Variants in DESI2 observed in about 807,000 individuals in gnomAD.
DESI2 encodes the protein desumoylating isopeptidase 2.
DESI2 carries 10 observed loss-of-function variants against 24.1 expected under a neutral mutation model. The observed-to-expected ratio is 0.41, with a 90% CI of 0.26 to 0.70. The LOEUF is 0.70. DESI2 is among the 30% of genes least tolerant of loss of function. DESI2 has a pLI of 0.29. For synonymous variants in DESI2, 71 were observed against 87.7 expected (o/e 0.81, Z 1.06); for missense variants, 122 against 234.9 (o/e 0.52, Z 3.14).
chr1:244,674,499 C>T (rs1676350353), intron 1 of DESI2, among the ~76,000 whole-genome samples: 1 of 152,168 alleles, frequency 6.6e-6, no homozygotes, highest in African/African-American at 2.4e-5. Context: ...AGCCCATACC[C>T]ATTAGCAATC....
chr1:244,706,435 T>G lies in DESI2; in HGVS notation c.*646T>G, dbSNP rs1474655856. 2 of 152,838 alleles carry G rather than the reference T, an allele frequency of 1.3e-5. No individual in the cohort carries two copies. Among genetic ancestry groups the G allele is most frequent in the Non-Finnish European group, 2.9e-5 (2 of 68,220 alleles). The allele number at this position is 152,838 out of a possible 1,614,324, so 9.5% of individuals were successfully genotyped here. ...CCAGGTGCCCATGGAACACCTGCTT[T>G]CATCCCAAATATCCGTCCACCTAGG... On this transcript the variant is annotated 3_prime_UTR_variant, in exon 5 of 5. Coordinates refer to ENST00000302550, the MANE Select transcript of DESI2 (RefSeq NM_016076.5).
chr1:244,673,216 G>C (rs1430333230), intron 1 of DESI2, among the ~76,000 whole-genome samples: 1 of 152,134 alleles, frequency 6.6e-6, no homozygotes, highest in African/African-American at 2.4e-5. Context: ...TCTAATAATA[G>C]ATCTAGGAAG....
rs190028797 is a variant in DESI2 at position 244,702,807 on chromosome 1, G to A, written c.352-2749G>A. 1.0e-3 allele frequency among the ~76,000 whole-genome samples: 152 copies of A among 152,296 alleles called. 1 individual carries two copies. Among genetic ancestry groups the A allele is most frequent in the Middle Eastern group, 3.4e-3 (1 of 294 alleles). ...CTTCACCTGTAGCACATGGATATAT[G>A]GAGGAGGGTAGATTACTGAATGAAA... On this transcript the variant is annotated intron_variant, in intron 4 of 4. Transcript: ENST00000302550.
intron 1 of DESI2, among the ~76,000 whole-genome samples, chr1:244,683,173 G>A (rs778297663): frequency 1.1e-4 from 17 of 152,162 alleles, no homozygotes; most frequent in Admixed American, 3.3e-4. Context: ...GACCAGATAT[G>A]GAGGTGATCA....
At chr1:244,678,684 A>C (rs1345729626) in intron 1 of DESI2, among the ~76,000 whole-genome samples, 1 of 152,274 alleles carries the variant, frequency 6.6e-6, no homozygotes, top group Non-Finnish European at 1.5e-5. Flanking sequence ...TGTTCCATTT[A>C]CTAAGCATTT....
At chr1:244,694,766 G>C in intron 4 of DESI2, 1 of 588,858 alleles carries the variant, frequency 1.7e-6, no homozygotes, top group Non-Finnish European at 3.0e-6. Context: ...AGTTTTATTA[G>C]AACACAGCCA....
chr1:244,665,454 C>G (rs9803720), intron 1 of DESI2, among the ~76,000 whole-genome samples: 59,893 of 151,928 alleles, frequency 0.39, 13,912 homozygotes, highest in African/African-American at 0.65. Flanking sequence ...AACTTCTGCA[C>G]TCTGTGGCAC....
In DESI2 at chr1:244,658,065, C is replaced by CT. The variant is rs35370955; in HGVS notation, c.42+4713dup. ...TTCTGGATATTATTTAAATCGGTTA[C>CT]TTTATCCCCATTTCCACTAATGCTT... On this transcript the variant is annotated intron_variant, in intron 1 of 4. Transcript: ENST00000302550. 5.3e-3 allele frequency among the ~76,000 whole-genome samples: 806 copies of CT among 152,312 alleles called. 7 individuals carry two copies. Among genetic ancestry groups the CT allele is most frequent in the Non-Finnish European group, 8.4e-3 (573 of 68,026 alleles).
At chr1:244,673,128 A>G (rs1676302375) in intron 1 of DESI2, among the ~76,000 whole-genome samples, 1 of 152,248 alleles carries the variant, frequency 6.6e-6, no homozygotes, top group South Asian at 2.1e-4. Context: ...TTGATAAGGC[A>G]TACTGACCTT....
intron 1 of DESI2, among the ~76,000 whole-genome samples, chr1:244,678,633 G>A (rs529438282): frequency 2.7e-4 from 41 of 152,264 alleles, no homozygotes; most frequent in African/African-American, 9.9e-4. Flanking sequence ...CTCAACTGAA[G>A]AGATTGTTAA....
At chr1:244,702,916 G>GACTT (rs1462465990) in intron 4 of DESI2, among the ~76,000 whole-genome samples, 2 of 151,752 alleles carry the variant, frequency 1.3e-5, no homozygotes, top group African/African-American at 2.4e-5. Flanking sequence ...TCTTAGTCAT[G>GACTT]ACTTACATGA....
intron 4 of DESI2, among the ~76,000 whole-genome samples, chr1:244,704,582 G>A (rs1324202000): frequency 3.3e-5 from 5 of 152,168 alleles, no homozygotes; most frequent in African/African-American, 1.2e-4. Flanking sequence ...ACTGAAGCAT[G>A]GCCAGGCTTC....
rs569615460 is a variant in DESI2, at chr1:244,663,301, T to C, written c.42+9946T>C. On this transcript the variant is annotated intron_variant, in intron 1 of 4. Transcript: ENST00000302550. ...ACGCCATTCTTCTGCCTCAGTCTTC[T>C]GAGTAGCTGGGACTACAGGCGCCTG... Among the ~76,000 whole-genome samples, 330 of 152,082 alleles carry C rather than the reference T, an allele frequency of 2.2e-3. 1 individual carries two copies. The highest frequency in any genetic ancestry group is 7.6e-3 in the African/African-American group (315 of 41,480).
In DESI2 at chr1:244,676,822, A is replaced by G. The variant is rs181248204; in HGVS notation, c.43-9775A>G. Among the ~76,000 whole-genome samples, 104 of 147,370 alleles carry G rather than the reference A, an allele frequency of 7.1e-4. 1 individual carries two copies. Among genetic ancestry groups the G allele is most frequent in the African/African-American group, 2.4e-3 (98 of 40,610 alleles). ...TATATATTATATATATTTTATATAT[A>G]TATATCATGAAAGGGTATTGGATTT... On this transcript the variant is annotated intron_variant, in intron 1 of 4. Transcript: ENST00000302550.
At chr1:244,671,400 G>T (rs1676240237) in intron 1 of DESI2, among the ~76,000 whole-genome samples, 1 of 152,134 alleles carries the variant, frequency 6.6e-6, no homozygotes, top group African/African-American at 2.4e-5. Flanking sequence ...CCGGCCCCCA[G>T]TGTCATTATA....
At chr1:244,670,088 C>G (rs1408812835) in intron 1 of DESI2, among the ~76,000 whole-genome samples, 1 of 152,112 alleles carries the variant, frequency 6.6e-6, no homozygotes, top group Non-Finnish European at 1.5e-5. Flanking sequence ...TCCGGAATAG[C>G]TGGGATTACA....
intron 1 of DESI2, among the ~76,000 whole-genome samples, chr1:244,675,520 A>G (rs12122462): frequency 6.6e-6 from 1 of 151,938 alleles, no homozygotes; most frequent in Non-Finnish European, 1.5e-5. Context: ...TCTCAGTTCT[A>G]TTTGTTGAAA....
At chr1:244,662,199 GTCT>G (rs1189965260) in intron 1 of DESI2, among the ~76,000 whole-genome samples, 1 of 152,272 alleles carries the variant, frequency 6.6e-6, no homozygotes, top group East Asian at 1.9e-4. Flanking sequence ...CTGCATAAAT[GTCT>G]TCTTTTGAGA....
At chr1:244,675,236 G>A (rs1676378858) in intron 1 of DESI2, among the ~76,000 whole-genome samples, 1 of 151,038 alleles carries the variant, frequency 6.6e-6, no homozygotes, top group African/African-American at 2.5e-5. Context: ...TTTTCTCCCA[G>A]GCTGTGGTTT....
Sources: allele counts gnomAD v4.1 joint callset (sites outside exome capture counted in the v4.1 genomes callset), GRCh38; gene constraint gnomAD v4.1.1; transcripts MANE v1.5; gene names NCBI Gene and HGNC (gene_info 2026-07-23, HGNC 2026-07-21).